The following UBE2E2 variants were observed in gnomAD, a reference collection of about 807,000 sequenced individuals.
The protein encoded by UBE2E2 is ubiquitin-conjugating enzyme E2 E2.
In UBE2E2, 6 loss-of-function variants were observed where a neutral mutation model predicts 24.7. The ratio of observed to expected loss-of-function variants is 0.24; its 90% CI spans 0.13 to 0.48. The LOEUF is 0.48. Ranked by LOEUF, UBE2E2 falls within the 20% of genes least tolerant of loss-of-function variation. UBE2E2 has a pLI of 0.99. For synonymous variants in UBE2E2, 104 were observed against 83.6 expected, an observed-to-expected ratio of 1.24 and a Z score of -1.33; for missense variants, 169 against 245.0, an observed-to-expected ratio of 0.69 and a Z score of 2.07.
chr3:23,203,170 G>C (rs1452064158), upstream of UBE2E2: 14 of 985,616 alleles, frequency 1.4e-5, no homozygotes, highest in East Asian at 1.5e-3. Context: ...TCACTTTCCA[G>C]GACTCAGGGG....
intron 3 of UBE2E2, among the ~76,000 whole-genome samples, chr3:23,378,963 T>C (rs1696594692): frequency 6.6e-6 from 1 of 152,210 alleles, no homozygotes; most frequent in African/African-American, 2.4e-5. Context: ...GTAGCAGTGA[T>C]TTGCTGACAT....
chr3:23,386,683 G>T (rs533730958), intron 3 of UBE2E2, among the ~76,000 whole-genome samples: 1 of 152,288 alleles, frequency 6.6e-6, no homozygotes, highest in Admixed American at 6.5e-5. Context: ...AAGAGCCATC[G>T]TCACATTATT....
intron 3 of UBE2E2, among the ~76,000 whole-genome samples, chr3:23,373,875 C>T (rs1696456289): frequency 6.6e-6 from 1 of 151,902 alleles, no homozygotes. Flanking sequence ...AACAAAAGCC[C>T]CAAATGTAAA....
At chr3:23,354,308 A>G (rs981183551) in intron 3 of UBE2E2, among the ~76,000 whole-genome samples, 3 of 152,320 alleles carry the variant, frequency 2.0e-5, no homozygotes, top group South Asian at 2.1e-4. Context: ...AGGCATTACC[A>G]TTGAGGACAT....
At chr3:23,525,258 G>C (rs1266582032) in intron 4 of UBE2E2, among the ~76,000 whole-genome samples, 4 of 152,154 alleles carry the variant, frequency 2.6e-5, no homozygotes, top group Non-Finnish European at 4.4e-5. Context: ...TCACAAGGCT[G>C]TTTTTATCAT....
chr3:23,258,162 T>C (rs1298090165), intron 3 of UBE2E2, among the ~76,000 whole-genome samples: 2 of 152,164 alleles, frequency 1.3e-5, no homozygotes, highest in Non-Finnish European at 2.9e-5. Context: ...ACCATGTTAT[T>C]GAGCACACCG....
chr3:23,288,336 A>G (rs1315415589), intron 3 of UBE2E2, among the ~76,000 whole-genome samples: 3 of 152,210 alleles, frequency 2.0e-5, no homozygotes, highest in South Asian at 2.1e-4. Flanking sequence ...GGCCTAATAT[A>G]TAGTCTATCC....
At chr3:23,224,156 GTTTTTTTTTT>G (rs531661466) in intron 3 of UBE2E2, among the ~76,000 whole-genome samples, 6 of 93,718 alleles carry the variant, frequency 6.4e-5, no homozygotes, top group African/African-American at 2.4e-4. Flanking sequence ...TAAATTTTAG[GTTTTTTTTTT>G]TTTTTTTTTT....
chr3:23,548,385 G>T (rs1218828175), intron 5 of UBE2E2, among the ~76,000 whole-genome samples: 1 of 151,840 alleles, frequency 6.6e-6, no homozygotes, highest in East Asian at 1.9e-4. Flanking sequence ...TTTATCTATT[G>T]TACATGTTTT....
In UBE2E2 at chr3:23,375,103, G is replaced by T. The variant is rs1439388357; in HGVS notation, c.228-124505G>T. Among the ~76,000 whole-genome samples, 3 of 152,060 alleles carry T rather than the reference G, an allele frequency of 2.0e-5. No homozygotes were observed. In the East Asian group the frequency reaches 5.8e-4, roughly 29 times the overall value. On this transcript the variant is annotated intron_variant, in intron 3 of 5. Coordinates refer to ENST00000396703, the MANE Select transcript of UBE2E2 (RefSeq NM_152653.4). ...TATAAAAAAAAAATCAGAGAATGTG[G>T]TGCTATAAAAGGGTTGTTAGCTTAT...
intron 3 of UBE2E2, among the ~76,000 whole-genome samples, chr3:23,422,119 T>C (rs531548862): frequency 3.0e-4 from 45 of 151,672 alleles, no homozygotes; most frequent in Admixed American, 8.5e-4. Flanking sequence ...TAATTATAAA[T>C]ATTTATATTC....
intron 2 of UBE2E2, among the ~76,000 whole-genome samples, chr3:23,211,068 T>A (rs987688391): frequency 1.3e-5 from 2 of 152,128 alleles, no homozygotes; most frequent in African/African-American, 2.4e-5. Flanking sequence ...ACCCCACATC[T>A]TTTAAGTTCA....
At chr3:23,522,519 C>G (rs1441288791) in intron 4 of UBE2E2, among the ~76,000 whole-genome samples, 2 of 152,084 alleles carry the variant, frequency 1.3e-5, no homozygotes, top group African/African-American at 4.8e-5. Flanking sequence ...AAAATCTAAG[C>G]CTTCAAATAG....
chr3:23,423,844 C>T (rs988065265), intron 3 of UBE2E2, among the ~76,000 whole-genome samples: 2 of 152,176 alleles, frequency 1.3e-5, no homozygotes, highest in Non-Finnish European at 2.9e-5. Context: ...CTGGTGCTAC[C>T]TATCAGAAGA....
intron 3 of UBE2E2, among the ~76,000 whole-genome samples, chr3:23,268,822 C>T (rs1288546212): frequency 6.6e-6 from 1 of 151,574 alleles, no homozygotes; most frequent in African/African-American, 2.4e-5. Context: ...GCTACAGTAA[C>T]CAAAACAGCA....
chr3:23,544,421 T>C (rs984364165), intron 5 of UBE2E2, among the ~76,000 whole-genome samples: 2 of 152,120 alleles, frequency 1.3e-5, no homozygotes, highest in African/African-American at 2.4e-5. Context: ...AAAGAAGATA[T>C]ACAAACGGCC....
chr3:23,572,118 C>T (rs1163779175), intron 5 of UBE2E2, among the ~76,000 whole-genome samples: 1 of 152,108 alleles, frequency 6.6e-6, no homozygotes, highest in African/African-American at 2.4e-5. Context: ...TTAGCATTCC[C>T]AATTTTAGAT....
rs550437947 is a variant in UBE2E2 at position 23,589,133 on chromosome 3, A to G, written c.509-601A>G. Among the ~76,000 whole-genome samples, 35 of 152,080 alleles carry G rather than the reference A, an allele frequency of 2.3e-4. No homozygotes were observed. Among genetic ancestry groups the G allele is most frequent in the Non-Finnish European group, 4.0e-4 (27 of 68,014 alleles). The stretch of plus-strand genomic sequence containing the variant: ...CCTGCATTTTCTCCGTGAAATATCT[A>G]CTTGAAGACAGGCATCTCACACCTG... On this transcript the variant is annotated intron_variant, in intron 5 of 5. Transcript: ENST00000396703. The surrounding 1 kb of genome is among the most constrained non-coding windows in gnomAD (Gnocchi z 4.1).
At chr3:23,297,066 C>T (rs1275867477) in intron 3 of UBE2E2, among the ~76,000 whole-genome samples, 30 of 152,150 alleles carry the variant, frequency 2.0e-4, no homozygotes, top group Admixed American at 8.5e-4. Context: ...CCGGTGATGA[C>T]GAGCACTTTT....
Sources: allele counts gnomAD v4.1 joint callset (sites outside exome capture counted in the v4.1 genomes callset), GRCh38; gene constraint gnomAD v4.1.1; non-coding constraint Gnocchi (gnomAD v3.1); transcripts MANE v1.5; gene names NCBI Gene and HGNC (gene_info 2026-07-23, HGNC 2026-07-21).